Variants in MEGF8 observed in about 807,000 individuals in gnomAD.
MEGF8 encodes the protein multiple EGF like domains 8.
Under a neutral mutation model 302.9 loss-of-function variants are expected in MEGF8, and 156 were observed. That is an observed-to-expected ratio of 0.52 (90% CI 0.45 to 0.59). MEGF8 has a LOEUF of 0.59. Among genes scored for constraint, MEGF8 ranks in the 20% least tolerant of loss-of-function variants. The pLI, the probability that MEGF8 is intolerant of heterozygous loss-of-function variation, is 0.00. For missense variants in MEGF8, 3,345 were observed against 3,964.5 expected, an observed-to-expected ratio of 0.84 and a Z score of 4.20; for synonymous variants, 1,621 against 1,660.5, an observed-to-expected ratio of 0.98 and a Z score of 0.58.
chr19:42,366,433 T>C (rs1027536972), intron 35 of MEGF8, among the ~76,000 whole-genome samples: 3 of 152,134 alleles, frequency 2.0e-5, no homozygotes, highest in African/African-American at 7.2e-5. Context: ...ACTCCTGACT[T>C]TGTGATCCAC....
chr19:42,376,044 G>A lies in MEGF8; in HGVS notation c.7807G>A (p.Glu2603Lys), dbSNP rs1396451878. 3.7e-6 allele frequency: 6 copies of A among 1,603,964 alleles called. No homozygotes were observed. In the East Asian group the frequency reaches 1.1e-4, roughly 30 times the overall value. Residue 2603 changes from glutamate to lysine, a missense_variant, in exon 42 of 42, where the codon GAG becomes AAG. Physicochemically the swap from Glu to Lys is moderately conservative, Grantham distance 56. Coordinates refer to ENST00000251268, the MANE Select transcript of MEGF8 (RefSeq NM_001271938.2). This position sits in a 1 kb window ranked among gnomAD's most constrained non-coding sequence, Gnocchi z 8.2. Reference sequence around the variant, plus strand: ...CCGGCTGGTCATCACCTACCCACACGAGCACCATGCCCTCAAGTCGAGCCG... The same window carrying A: ...CCGGCTGGTCATCACCTACCCACACAAGCACCATGCCCTCAAGTCGAGCCG... ...RDRLVITYPH[E>K]HHALKSSRFY...
chr19:42,354,117 T>TG lies in MEGF8; in HGVS notation c.4011+94dup. 7.2e-7 allele frequency: 1 copy of TG among 1,382,870 alleles called. No individual in the cohort carries two copies. The highest frequency in any genetic ancestry group is 9.5e-7 in the Non-Finnish European group (1 of 1,052,858). The allele number at this position is 1,382,870 out of a possible 1,614,324, so 85.7% of individuals were successfully genotyped here. Reference sequence around the variant, plus strand: ...CCTCAGACCCTGACCCTAGTATTGCTGTTTTTTTTTTTTTGTTTTTTTAAT... The same window carrying TG: ...CCTCAGACCCTGACCCTAGTATTGCTGGTTTTTTTTTTTTTGTTTTTTTAAT... On this transcript the variant is annotated intron_variant, in intron 22 of 41. Transcript: ENST00000251268. This position sits in a 1 kb window ranked among gnomAD's most constrained non-coding sequence, Gnocchi z 4.3.
Position 42,344,598 on chromosome 19 carries a change from A to T in MEGF8, c.1933+13A>T. On this transcript the variant is annotated intron_variant, in intron 11 of 41. Transcript: ENST00000251268. The surrounding 1 kb of genome is among the most constrained non-coding windows in gnomAD (Gnocchi z 4.5). ...CTCCCTAGGCCTGGTGAGTGTCCGC[A>T]GCAGTGGGCCGGCAGGAGGGGGCCA... 6.3e-7 allele frequency: 1 copy of T among 1,585,454 alleles called. No individual in the cohort carries two copies. The highest frequency in any genetic ancestry group is 1.1e-5 in the South Asian group (1 of 89,208).
chr19:42,357,191 G>A lies in MEGF8; in HGVS notation c.4830+210G>A, dbSNP rs369049431. On this transcript the variant is annotated intron_variant, in intron 27 of 41. Transcript: ENST00000251268. The surrounding 1 kb of genome is among the most constrained non-coding windows in gnomAD (Gnocchi z 5.2). ...AGCAGAGAGAGGCCAGGGGAGCAAG[G>A]GCTTCCCAAAGCCACACCAGGCTTG... Among the ~76,000 whole-genome samples, 5 of 152,218 alleles carry A rather than the reference G, an allele frequency of 3.3e-5. No individual in the cohort carries two copies. The highest frequency in any genetic ancestry group is 1.2e-4 in the African/African-American group (5 of 41,456).
intron 14 of MEGF8, 61 bp from the exon 15 acceptor site, chr19:42,350,087 C>T (rs1478055587): frequency 4.0e-5 from 54 of 1,361,606 alleles, no homozygotes; most frequent in Non-Finnish European, 5.0e-5. Flanking sequence ...TTTCAGTTAG[C>T]GCCAGACTCT....
Position 42,377,247 on chromosome 19 carries a change from G to C in MEGF8, c.*472G>C, listed in dbSNP as rs1027326070. 1 of 156,348 alleles carries C rather than the reference G, an allele frequency of 6.4e-6. No homozygotes were observed. Among genetic ancestry groups the C allele is most frequent in the Non-Finnish European group, 1.4e-5 (1 of 70,884 alleles). The allele number at this position is 156,348 out of a possible 1,614,324, so 9.7% of individuals were successfully genotyped here. ...AGAACGCCTGAGAAGAACCAGCTAC[G>C]GGAAGAGCTTTGGGAAGCAAAGGCA... On this transcript the variant is annotated 3_prime_UTR_variant, in exon 42 of 42. Transcript: ENST00000251268.
chr19:42,353,625 C>A lies in MEGF8; in HGVS notation c.3711C>A (p.Thr1237=). The A allele has an allele frequency of 6.3e-7, 1 of 1,582,372 alleles. No homozygotes were observed. Residue 1237 remains threonine, a synonymous_variant, in exon 21 of 42, where the codon ACC becomes ACA. Transcript: ENST00000251268. The surrounding 1 kb of genome is among the most constrained non-coding windows in gnomAD (Gnocchi z 6.1). The stretch of plus-strand genomic sequence containing the variant: ...GGCTCTGCTTCTGCCAGGACCACAC[C>A]GAGGGTGCCCACTGCCAGCTCTGCT... ...LSGLCFCQDH[T]EGAHCQLCSP... is the part of the protein sequence containing the mutation.
chr19:42,341,246 A>G (rs2039208528), intron 8 of MEGF8, among the ~76,000 whole-genome samples: 2 of 152,044 alleles, frequency 1.3e-5, no homozygotes, highest in Admixed American at 1.3e-4. Flanking sequence ...CCTGGTTAAT[A>G]TGGTGAAACC....
Position 42,351,831 on chromosome 19 carries a change from GC to G in MEGF8, c.3101+72del. On this transcript the variant is annotated intron_variant, in intron 18 of 41. Coordinates refer to ENST00000251268, the MANE Select transcript of MEGF8 (RefSeq NM_001271938.2). The surrounding 1 kb of genome is among the most constrained non-coding windows in gnomAD (Gnocchi z 5.6). The stretch of plus-strand genomic sequence containing the variant: ...TCCTCCATGACCGGTCATTCTAATG[GC>G]CTCTTTGCTTCTCTGCCCTCTTGCC... The G allele has an allele frequency of 7.7e-7, 1 of 1,305,176 alleles. No homozygotes were observed. Among genetic ancestry groups the G allele is most frequent in the Middle Eastern group, 2.4e-4 (1 of 4,252 alleles). 80.8% of individuals were successfully genotyped at this position (1,305,176 alleles called of 1,614,324 possible).
chr19:42,370,263 C>T lies in MEGF8; in HGVS notation c.6909C>T (p.His2303=), dbSNP rs552181649. The T allele has an allele frequency of 3.0e-5, 49 of 1,613,916 alleles. No individual in the cohort carries two copies. The highest frequency in any genetic ancestry group is 2.4e-4 in the African/African-American group (18 of 75,044). ...GAGGCGGGACCTGCCGGCCCTGCCA[C>T]GCCTTTTGTCGTGGAAATAGCCACA... ...AVGGGTCRPC[H]AFCRGNSHIC... The change falls in exon 39 of 42, where the codon CAC becomes CAT. Residue 2303 remains histidine, a synonymous_variant. Transcript: ENST00000251268.
intron 5 of MEGF8, among the ~76,000 whole-genome samples, chr19:42,335,629 G>A (rs528876640): frequency 2.6e-5 from 4 of 151,264 alleles, no homozygotes; most frequent in Admixed American, 6.6e-5. Flanking sequence ...CTCTGTTTTC[G>A]TCTGTCTGAC....
At chr19:42,363,579 ATT>A (rs935622010) in intron 35 of MEGF8, among the ~76,000 whole-genome samples, 1 of 152,144 alleles carries the variant, frequency 6.6e-6, no homozygotes, top group African/African-American at 2.4e-5. Context: ...TTTTAATTTA[ATT>A]TTTTGTTTTT....
At chr19:42,348,600 GAT>G in intron 13 of MEGF8, 128 bp downstream of exon 13, 1 of 919,316 alleles carries the variant, frequency 1.1e-6, no homozygotes, top group Non-Finnish European at 1.6e-6. Context: ...GCAGGAGATG[GAT>G]TTTTTGTGTG....
intron 32 of MEGF8, 30 bp downstream of exon 32, chr19:42,361,036 G>T: frequency 6.6e-7 from 1 of 1,524,260 alleles, no homozygotes; most frequent in Non-Finnish European, 8.8e-7. Context: ...CAGGCAGTGG[G>T]GAGTGGAGCC....
At position 42,358,036 on chromosome 19, in the gene MEGF8, G is replaced by A; in HGVS notation, c.5012-108G>A. ...GTGGAGAGGGGCTCCCAGGCCTCCA[G>A]TCTCAGGGCCGGGGAAGGGAGTGGT... On this transcript the variant is annotated intron_variant, in intron 28 of 41. Coordinates refer to ENST00000251268, the MANE Select transcript of MEGF8 (RefSeq NM_001271938.2). The surrounding 1 kb of genome is among the most constrained non-coding windows in gnomAD (Gnocchi z 4.4). The A allele has an allele frequency of 8.7e-7, 1 of 1,152,258 alleles. No homozygotes were observed. The highest frequency in any genetic ancestry group is 1.2e-6 in the Non-Finnish European group (1 of 856,516). The allele number at this position is 1,152,258 out of a possible 1,614,324, so 71.4% of individuals were successfully genotyped here. A position where few individuals can be genotyped will look rare whatever the true frequency, so the allele number is the denominator to read the frequency against.
rs142361779 is a variant in MEGF8, at chr19:42,356,347, C to T, written c.4516C>T (p.Arg1506Cys). 2.2e-5 allele frequency: 36 copies of T among 1,612,398 alleles called. No individual in the cohort carries two copies. Among genetic ancestry groups the T allele is most frequent in the Admixed American group, 1.5e-4 (9 of 59,840 alleles). Residue 1506 changes from arginine to cysteine, a missense_variant, in exon 26 of 42, where the codon CGC becomes TGC. Coordinates refer to ENST00000251268, the MANE Select transcript of MEGF8 (RefSeq NM_001271938.2). The surrounding 1 kb of genome is among the most constrained non-coding windows in gnomAD (Gnocchi z 5.2). The part of the protein sequence containing the change: ...DSRLSADTAS[R>C]FLHRLGHTMV... ...CACCCACCCCTAGGACACTGCCAGCCGCTTCCTGCACCGCCTGGGCCACAC... is the reference window on the plus strand; with the variant it reads ...CACCCACCCCTAGGACACTGCCAGCTGCTTCCTGCACCGCCTGGGCCACAC...
chr19:42,346,863 T>C lies in MEGF8; in HGVS notation c.2098-1409T>C, dbSNP rs2039296020. On this transcript the variant is annotated intron_variant, in intron 12 of 41. Coordinates refer to ENST00000251268, the MANE Select transcript of MEGF8 (RefSeq NM_001271938.2). ...AGCTGGGTGTGGTGGTGAGCACCTGTAGTCCCAGCTACTCAGGAGTCTGAA... is the reference window on the plus strand; with the variant it reads ...AGCTGGGTGTGGTGGTGAGCACCTGCAGTCCCAGCTACTCAGGAGTCTGAA... 2.6e-5 allele frequency among the ~76,000 whole-genome samples: 4 copies of C among 151,216 alleles called. No individual in the cohort carries two copies. In the South Asian group the frequency reaches 8.4e-4, roughly 32 times the overall value.
chr19:42,361,912 G>A (rs972303675), intron 32 of MEGF8, among the ~76,000 whole-genome samples, 178 bp from the exon 33 acceptor site: 1 of 152,196 alleles, frequency 6.6e-6, no homozygotes, highest in Non-Finnish European at 1.5e-5. Context: ...TCTCCAGCCT[G>A]GGTGACAGGT....
chr19:42,341,414 G>A (rs2039211877), intron 8 of MEGF8, among the ~76,000 whole-genome samples: 1 of 144,846 alleles, frequency 6.9e-6, no homozygotes, highest in Admixed American at 7.0e-5. Flanking sequence ...GGGTAACAGA[G>A]GGATACTCCA....
Sources: allele counts gnomAD v4.1 joint callset (sites outside exome capture counted in the v4.1 genomes callset), GRCh38; gene constraint gnomAD v4.1.1; non-coding constraint Gnocchi (gnomAD v3.1); transcripts MANE v1.5; gene names NCBI Gene and HGNC (gene_info 2026-07-23, HGNC 2026-07-21).